TTC7B: variants seen among roughly 807,000 people sequenced by gnomAD.
The protein encoded by TTC7B is tetratricopeptide repeat protein 7B.
A neutral mutation model predicts 106.8 loss-of-function variants in TTC7B; 28 were observed. The observed-to-expected ratio is 0.26, with a 90% CI of 0.19 to 0.36. The LOEUF (loss-of-function observed/expected upper bound fraction) is 0.36. Among genes scored for constraint, TTC7B ranks in the 10% least tolerant of loss-of-function variants. The pLI is 1.00. For missense variants in TTC7B, 862 were observed against 1,076.4 expected (o/e 0.80, Z 2.79); for synonymous variants, 405 against 430.6 (o/e 0.94, Z 0.74).
chr14:90,695,968 C>A (rs981554584), intron 5 of TTC7B, among the ~76,000 whole-genome samples: 4 of 152,004 alleles, frequency 2.6e-5, no homozygotes, highest in African/African-American at 9.7e-5. Flanking sequence ...TGAGCAAGCA[C>A]CGTGTGCAAC....
chr14:90,556,840 G>A (rs905776930), intron 19 of TTC7B, among the ~76,000 whole-genome samples: 13 of 152,178 alleles, frequency 8.5e-5, no homozygotes, highest in Non-Finnish European at 1.8e-4. Context: ...TTCCCCTGGG[G>A]TCCTGGGACC....
At chr14:90,683,239 G>A (rs1887124923) in intron 7 of TTC7B, among the ~76,000 whole-genome samples, 2 of 152,140 alleles carry the variant, frequency 1.3e-5, no homozygotes, top group African/African-American at 4.8e-5. Flanking sequence ...CAACCCACGA[G>A]AAAGTTGATT....
At chr14:90,595,129 C>T (rs1245454667) in intron 17 of TTC7B, among the ~76,000 whole-genome samples, 1 of 151,998 alleles carries the variant, frequency 6.6e-6, no homozygotes, top group African/African-American at 2.4e-5. Context: ...GTCAGGAGAT[C>T]GAGACCATCT....
At chr14:90,574,710 A>T (rs952567844) in intron 19 of TTC7B, among the ~76,000 whole-genome samples, 2 of 152,224 alleles carry the variant, frequency 1.3e-5, no homozygotes, top group African/African-American at 4.8e-5. Flanking sequence ...AACTCCTGGC[A>T]TAACTGTTCT....
At chr14:90,765,886 C>G (rs1890658814) in intron 3 of TTC7B, among the ~76,000 whole-genome samples, 1 of 152,210 alleles carries the variant, frequency 6.6e-6, no homozygotes, top group South Asian at 2.1e-4. Flanking sequence ...AGCCACCCCA[C>G]ATACACCAAC....
intron 5 of TTC7B, chr14:90,699,212 C>T (rs1159014979): frequency 4.4e-6 from 2 of 456,004 alleles, no homozygotes; most frequent in East Asian, 1.4e-4. Context: ...TTTAATATTG[C>T]CATCTGTCCC....
chr14:90,608,067 TCTGTG>T lies in TTC7B; in HGVS notation c.1966+2670_1966+2674del, dbSNP rs1270977811. ...CAAATCAAGGTGAGGGAATAAACAA[TCTGTG>T]TTGTGGGTGGTTCGCAAGGCGGGCT... On this transcript the variant is annotated intron_variant, in intron 17 of 19. Transcript: ENST00000328459. The surrounding 1 kb of genome is among the most constrained non-coding windows in gnomAD (Gnocchi z 5.1). Among the ~76,000 whole-genome samples the T allele has an allele frequency of 2.1e-5, 3 of 142,540 alleles. No homozygotes were observed. Among genetic ancestry groups the T allele is most frequent in the Non-Finnish European group, 3.1e-5 (2 of 65,100 alleles). 93.5% of individuals were successfully genotyped at this position (142,540 alleles called of 152,430 possible).
rs1020695884 is a variant in TTC7B, at chr14:90,624,112, G to C, written c.1752-6067C>G. ...TGTATATGTGTGCATGTGTGTGTGC[G>C]CGTGCGCGTGTGTGTGTTTTGTGAC... On this transcript the variant is annotated intron_variant, in intron 15 of 19. Transcript: ENST00000328459. This position sits in a 1 kb window ranked among gnomAD's most constrained non-coding sequence, Gnocchi z 4.0. Among the ~76,000 whole-genome samples, 1 of 151,616 alleles carries C rather than the reference G, an allele frequency of 6.6e-6. No homozygotes were observed. The highest frequency in any genetic ancestry group is 2.1e-4 in the South Asian group (1 of 4,822).
intron 5 of TTC7B, among the ~76,000 whole-genome samples, chr14:90,696,661 G>T (rs1887762271): frequency 6.6e-6 from 1 of 152,110 alleles, no homozygotes; most frequent in Admixed American, 6.5e-5. Flanking sequence ...ACATCCCAGG[G>T]CTCTCATGCA....
chr14:90,558,608 G>C (rs1890427819), intron 19 of TTC7B, among the ~76,000 whole-genome samples: 1 of 152,236 alleles, frequency 6.6e-6, no homozygotes, highest in Admixed American at 6.5e-5. Context: ...CTGATGAAGG[G>C]AGGCCTGGAA....
Position 90,652,182 on chromosome 14 carries a change from T to G in TTC7B, c.1517+659A>C, listed in dbSNP as rs529090420. On this transcript the variant is annotated intron_variant, in intron 13 of 19. Coordinates refer to ENST00000328459, the MANE Select transcript of TTC7B (RefSeq NM_001010854.2). ...CTGCGGGACCGGCAGCTCCTGTAACTCCTGCGCCTCAGTCCCTGACCTGCA... is the reference window on the plus strand; with the variant it reads ...CTGCGGGACCGGCAGCTCCTGTAACGCCTGCGCCTCAGTCCCTGACCTGCA... Among the ~76,000 whole-genome samples the G allele has an allele frequency of 2.6e-5, 4 of 152,278 alleles. No homozygotes were observed. The East Asian group carries it at 7.7e-4, about 29-fold the overall frequency.
rs1320883416 is a variant in TTC7B at position 90,527,064 on chromosome 14, T to G, written c.*14304A>C. The G allele has an allele frequency of 6.6e-6, 1 of 152,144 alleles. No individual in the cohort carries two copies. The highest frequency in any genetic ancestry group is 1.9e-4 in the East Asian group (1 of 5,194). 9.4% of individuals were successfully genotyped at this position (152,144 alleles called of 1,614,324 possible). ...ATTGGTCAGGTATTTTGTAGAAAGT[T>G]CATCGGTTTGGGTTTGTCTGATGTT... On this transcript the variant is annotated 3_prime_UTR_variant, in exon 20 of 20. Transcript: ENST00000328459.
chr14:90,673,014 C>A (rs961861898), intron 9 of TTC7B, among the ~76,000 whole-genome samples: 1 of 152,182 alleles, frequency 6.6e-6, no homozygotes, highest in Non-Finnish European at 1.5e-5. Context: ...CCTAGGCTCA[C>A]ACGACTGGTA....
rs1889381681 is a variant in TTC7B, at chr14:90,534,978, C to T, written c.*6390G>A. 1 of 152,372 alleles carries T rather than the reference C, an allele frequency of 6.6e-6. No homozygotes were observed. The highest frequency in any genetic ancestry group is 6.5e-5 in the Admixed American group (1 of 15,290). The allele number at this position is 152,372 out of a possible 1,614,324, so 9.4% of individuals were successfully genotyped here. A position where few individuals can be genotyped will look rare whatever the true frequency, so the allele number is the denominator to read the frequency against. On this transcript the variant is annotated 3_prime_UTR_variant, in exon 20 of 20. Coordinates refer to ENST00000328459, the MANE Select transcript of TTC7B (RefSeq NM_001010854.2). ...GCCATCTGGAGGAGTCTGGGTTGCT[C>T]CATGTGATCACAGACACGCCCACCT...
intron 1 of TTC7B, among the ~76,000 whole-genome samples, chr14:90,811,300 C>T (rs2030889554): frequency 6.6e-6 from 1 of 152,234 alleles, no homozygotes; most frequent in African/African-American, 2.4e-5. Context: ...TCACTGGTGT[C>T]CTTCCCCACA....
intron 5 of TTC7B, among the ~76,000 whole-genome samples, chr14:90,706,299 A>C (rs1888209778): frequency 6.6e-6 from 1 of 151,584 alleles, no homozygotes; most frequent in Non-Finnish European, 1.5e-5. Flanking sequence ...AGTAGCTGGG[A>C]CTACAGGCAC....
At chr14:90,770,658 A>G (rs1296082097) in intron 3 of TTC7B, among the ~76,000 whole-genome samples, 1 of 152,080 alleles carries the variant, frequency 6.6e-6, no homozygotes, top group Non-Finnish European at 1.5e-5. Context: ...CATCTCAAAA[A>G]AAAAAAAAAA....
intron 1 of TTC7B, among the ~76,000 whole-genome samples, chr14:90,801,210 G>C (rs1295682685): frequency 8.0e-6 from 1 of 125,504 alleles, no homozygotes; most frequent in Non-Finnish European, 1.6e-5. Context: ...GGGAGACAGA[G>C]CAAGACCCTA....
chr14:90,673,614 G>C (rs1263171109), intron 9 of TTC7B, among the ~76,000 whole-genome samples: 1 of 152,084 alleles, frequency 6.6e-6, no homozygotes, highest in Non-Finnish European at 1.5e-5. Context: ...CTCAGAGAAA[G>C]GTAATATAGG....
Sources: allele counts gnomAD v4.1 joint callset (sites outside exome capture counted in the v4.1 genomes callset), GRCh38; gene constraint gnomAD v4.1.1; non-coding constraint Gnocchi (gnomAD v3.1); transcripts MANE v1.5; gene names NCBI Gene and HGNC (gene_info 2026-07-23, HGNC 2026-07-21).